The following CXADR variants were observed in gnomAD, a reference collection of about 807,000 sequenced individuals.
CXADR encodes the protein CXADR cell adhesion molecule, also known as coxsackievirus and adenovirus receptor.
Under a neutral mutation model 40.3 loss-of-function variants are expected in CXADR, and 20 were observed. That is an observed-to-expected ratio of 0.50 (90% CI 0.35 to 0.72). The LOEUF is 0.72. Among genes scored for constraint, CXADR ranks in the 30% least tolerant of loss-of-function variants. The pLI, the probability that CXADR is intolerant of heterozygous loss-of-function variation, is 0.01. For synonymous variants in CXADR, 150 were observed against 161.3 expected (o/e 0.93, Z 0.53); for missense variants, 332 against 449.1 (o/e 0.74, Z 2.36).
At chr21:17,551,306 G>A (rs2060964481) in intron 2 of CXADR, among the ~76,000 whole-genome samples, 1 of 152,006 alleles carries the variant, frequency 6.6e-6, no homozygotes. Flanking sequence ...AGGCAGAGGC[G>A]AGAGAATTGC....
At chr21:17,546,210 A>G (rs2060895123) in intron 1 of CXADR, among the ~76,000 whole-genome samples, 1 of 152,250 alleles carries the variant, frequency 6.6e-6, no homozygotes, top group African/African-American at 2.4e-5. Context: ...ATAAAAATTT[A>G]AAGAAGCCTT....
intron 4 of CXADR, among the ~76,000 whole-genome samples, chr21:17,560,143 A>G (rs2061095897): frequency 6.6e-6 from 1 of 152,140 alleles, no homozygotes; most frequent in African/African-American, 2.4e-5. Flanking sequence ...GAAAGTTACA[A>G]ATTGGCCAAA....
intron 1 of CXADR, among the ~76,000 whole-genome samples, chr21:17,524,729 A>T (rs1393403772): frequency 6.6e-6 from 1 of 151,976 alleles, no homozygotes; most frequent in East Asian, 1.9e-4. Flanking sequence ...TCTACAAAAA[A>T]TACAAAAATT....
chr21:17,553,515 G>A lies in CXADR; in HGVS notation c.415+1562G>A, dbSNP rs139704081. On this transcript the variant is annotated intron_variant, in intron 3 of 6. Transcript: ENST00000284878. ...CAGGAAAAGGAATATGGTAATGTTG[G>A]AAATTTGAATTTTCTGTGTCTTCAT... Among the ~76,000 whole-genome samples, 9 of 152,098 alleles carry A rather than the reference G, an allele frequency of 5.9e-5. No homozygotes were observed. In the East Asian group the frequency reaches 1.4e-3, roughly 23 times the overall value.
chr21:17,525,613 T>C (rs2060589256), intron 1 of CXADR, among the ~76,000 whole-genome samples: 1 of 152,254 alleles, frequency 6.6e-6, no homozygotes, highest in African/African-American at 2.4e-5. Flanking sequence ...CTTTGTTTTG[T>C]GCCAGGGTAA....
intron 1 of CXADR, among the ~76,000 whole-genome samples, chr21:17,540,773 TG>T (rs563180856): frequency 4.5e-4 from 69 of 152,358 alleles, no homozygotes; most frequent in Non-Finnish European, 8.8e-4. Flanking sequence ...CGTCTTCTAC[TG>T]CGTTGACAGT....
chr21:17,604,166 G>A, the CXADR span: 52 of 1,275,600 alleles, frequency 4.1e-5, no homozygotes, highest in African/African-American at 4.1e-4. Flanking sequence ...GGAGGAGGCC[G>A]GGCGCAGTGG....
intron 1 of CXADR, among the ~76,000 whole-genome samples, chr21:17,526,858 A>G (rs1451899334): frequency 6.6e-6 from 1 of 151,822 alleles, no homozygotes; most frequent in Admixed American, 6.6e-5. Flanking sequence ...GTTTTGCTAA[A>G]TAGTCACTTT....
chr21:17,615,424 C>T, the CXADR span, among the ~76,000 whole-genome samples: 2 of 152,166 alleles, frequency 1.3e-5, no homozygotes, highest in Admixed American at 6.6e-5. Context: ...GGATATGTTC[C>T]AGGATCCCCA....
intron 6 of CXADR, 92 bp from the exon 7 acceptor site, chr21:17,565,336 A>C: frequency 7.2e-7 from 1 of 1,385,934 alleles, no homozygotes; most frequent in Non-Finnish European, 9.9e-7. Flanking sequence ...TAGTACCTAA[A>C]TACAGGCTCT....
chr21:17,562,097 T>C (rs1418153940), intron 6 of CXADR, among the ~76,000 whole-genome samples: 2 of 152,192 alleles, frequency 1.3e-5, no homozygotes, highest in Non-Finnish European at 2.9e-5. Flanking sequence ...TACTATATTG[T>C]AGTCTAAAAT....
chr21:17,552,032 A>G, intron 3 of CXADR, 79 bp downstream of exon 3: 1 of 1,077,468 alleles, frequency 9.3e-7, no homozygotes, highest in Non-Finnish European at 1.4e-6. Context: ...CAGCACTTGT[A>G]TAAAATAAAG....
intron 1 of CXADR, among the ~76,000 whole-genome samples, chr21:17,527,929 A>C (rs571696371): frequency 6.6e-5 from 10 of 152,054 alleles, no homozygotes; most frequent in Middle Eastern, 3.4e-3. Flanking sequence ...CCCCAGCATT[A>C]TCCGGCATTT....
chr21:17,611,415 A>G, the CXADR span, among the ~76,000 whole-genome samples: 1 of 152,314 alleles, frequency 6.6e-6, no homozygotes, highest in South Asian at 2.1e-4. Flanking sequence ...AATAGAAAAG[A>G]AGGAAAGAAC....
At chr21:17,593,102 G>A in intron 7 of CXADR, 1 of 1,294,708 alleles carries the variant, frequency 7.7e-7, no homozygotes, top group South Asian at 2.5e-5. Context: ...ATTTACCTTT[G>A]GAGAAAAATC....
chr21:17,555,570 G>A (rs1047014789), intron 3 of CXADR, among the ~76,000 whole-genome samples: 64 of 152,102 alleles, frequency 4.2e-4, no homozygotes, highest in African/African-American at 1.5e-3. Flanking sequence ...ACTGTTTTCC[G>A]GTAATGTCCT....
intron 1 of CXADR, chr21:17,530,258 C>T (rs560329912): frequency 3.3e-6 from 1 of 299,770 alleles, no homozygotes; most frequent in South Asian, 2.8e-5. Context: ...AGCCACTGGG[C>T]CCGGCCTCCT....
At chr21:17,517,732 G>A (rs192482249) in intron 1 of CXADR, among the ~76,000 whole-genome samples, 5 of 152,180 alleles carry the variant, frequency 3.3e-5, no homozygotes, top group Admixed American at 2.6e-4. Context: ...ACAAAAGGTG[G>A]GATTAGGCAC....
chr21:17,552,433 G>A (rs1342104414), intron 3 of CXADR, among the ~76,000 whole-genome samples: 2 of 152,168 alleles, frequency 1.3e-5, no homozygotes, highest in Non-Finnish European at 2.9e-5. Context: ...TTAAAGTGAG[G>A]AGATGAGACA....
Sources: gnomAD v4.1 joint callset for allele counts (sites outside exome capture counted in the v4.1 genomes callset) on GRCh38, gnomAD v4.1.1 for gene constraint, MANE v1.5 for transcripts, NCBI Gene and HGNC (gene_info 2026-07-23, HGNC 2026-07-21) for gene names.